The following ABCC1 variants were observed in gnomAD, a reference collection of about 807,000 sequenced individuals.
ABCC1 encodes multidrug resistance-associated protein 1.
A neutral mutation model predicts 172.9 loss-of-function variants in ABCC1; 83 were observed. The observed-to-expected ratio is 0.48, with a 90% confidence interval of 0.40 to 0.58. ABCC1 has a LOEUF of 0.58. Among genes scored for constraint, ABCC1 ranks in the 20% least tolerant of loss-of-function variants. The pLI is 0.00. For synonymous variants in ABCC1, 937 were observed against 825.2 expected (o/e 1.14, Z -2.32); for missense variants, 1,817 against 2,002.7 (o/e 0.91, Z 1.77).
chr16:16,099,001 C>CT, intron 19 of ABCC1: 1 of 1,080,684 alleles, frequency 9.3e-7, no homozygotes, highest in South Asian at 1.2e-5. Context: ...CGTCAGATGT[C>CT]TGTGTTTTCA....
At chr16:15,978,117 C>G (rs2046533325) in intron 1 of ABCC1, among the ~76,000 whole-genome samples, 1 of 152,142 alleles carries the variant, frequency 6.6e-6, no homozygotes, top group Admixed American at 6.6e-5. Context: ...TGCCTGTAAT[C>G]CCAGCACTTT....
chr16:16,131,099 C>T (rs1050097086), intron 26 of ABCC1, among the ~76,000 whole-genome samples: 15 of 151,624 alleles, frequency 9.9e-5, no homozygotes, highest in Non-Finnish European at 1.6e-4. Context: ...CCAGCCTGGG[C>T]GACAGAGTGA....
At chr16:16,131,371 T>A (rs1269148318) in intron 26 of ABCC1, among the ~76,000 whole-genome samples, 1 of 152,196 alleles carries the variant, frequency 6.6e-6, no homozygotes, top group Non-Finnish European at 1.5e-5. Context: ...TCACTCTTCT[T>A]GTTTATGTTC....
intron 1 of ABCC1, among the ~76,000 whole-genome samples, chr16:15,969,472 G>A (rs968824309): frequency 6.6e-5 from 10 of 150,940 alleles, no homozygotes; most frequent in Non-Finnish European, 1.0e-4. Flanking sequence ...GCCAGGGTTC[G>A]AGTGATTCTC....
chr16:16,115,227 T>C (rs986918933), intron 23 of ABCC1, 151 bp downstream of exon 23: 1 of 901,540 alleles, frequency 1.1e-6, no homozygotes, highest in Non-Finnish European at 1.6e-6. Flanking sequence ...ACCTAAATTG[T>C]TTTTTTGCTC....
chr16:15,992,995 T>C (rs529349004), intron 1 of ABCC1, among the ~76,000 whole-genome samples: 3 of 152,294 alleles, frequency 2.0e-5, no homozygotes, highest in Admixed American at 2.0e-4. Flanking sequence ...CCTTCCAGTC[T>C]GCTAGGATGT....
chr16:16,116,634 C>A (rs543752535), intron 23 of ABCC1, among the ~76,000 whole-genome samples: 97 of 152,048 alleles, frequency 6.4e-4, no homozygotes, highest in Non-Finnish European at 1.0e-3. Context: ...GGAATCTCGG[C>A]TCACTGCAAC....
chr16:16,031,009 A>G (rs1225670559), intron 5 of ABCC1, among the ~76,000 whole-genome samples: 2 of 151,912 alleles, frequency 1.3e-5, no homozygotes, highest in African/African-American at 4.8e-5. Context: ...CACCACATCC[A>G]GCTAATTTTT....
At chr16:16,055,051 A>C (rs1030828054) in intron 11 of ABCC1, among the ~76,000 whole-genome samples, 8 of 152,126 alleles carry the variant, frequency 5.3e-5, no homozygotes, top group Admixed American at 1.3e-4. Flanking sequence ...GCAACATAGC[A>C]AGGTGCCATC....
At chr16:16,033,608 G>A (rs45569332) in intron 6 of ABCC1, among the ~76,000 whole-genome samples, 2,283 of 152,192 alleles carry the variant, frequency 0.015, 28 homozygotes, top group Non-Finnish European at 0.022. Context: ...GACATCTAGA[G>A]GTAACCAGTG....
intron 26 of ABCC1, among the ~76,000 whole-genome samples, chr16:16,126,381 A>G (rs897513319): frequency 3.9e-5 from 6 of 152,120 alleles, no homozygotes; most frequent in Admixed American, 3.9e-4. Context: ...GTTATTTGTT[A>G]TGAATTTGGT....
chr16:15,997,154 C>T (rs572191873), intron 1 of ABCC1, among the ~76,000 whole-genome samples: 21 of 147,882 alleles, frequency 1.4e-4, no homozygotes, highest in Non-Finnish European at 8.9e-5. Context: ...TGCAGTGGTG[C>T]AATCTCGGCT....
intron 1 of ABCC1, among the ~76,000 whole-genome samples, chr16:15,950,121 G>C (rs921749888): frequency 1.3e-5 from 2 of 151,960 alleles, no homozygotes; most frequent in African/African-American, 4.8e-5. Flanking sequence ...CAACCTTCCA[G>C]GGAAGGGGAC....
chr16:16,007,731 C>A, intron 1 of ABCC1, 85 bp from the exon 2 acceptor site: 3 of 1,364,184 alleles, frequency 2.2e-6, no homozygotes, highest in Non-Finnish European at 3.0e-6. Flanking sequence ...CTTCAAACCC[C>A]GTGGCAGCTG....
chr16:16,106,643 A>G (rs1387683284), intron 20 of ABCC1, 95 bp from the exon 21 acceptor site: 5 of 1,504,320 alleles, frequency 3.3e-6, no homozygotes, highest in African/African-American at 1.4e-5. Flanking sequence ...CTCTTATGCC[A>G]TGGTTCAGAC....
intron 1 of ABCC1, among the ~76,000 whole-genome samples, chr16:16,005,085 A>C (rs1301712653): frequency 1.7e-5 from 1 of 59,564 alleles, no homozygotes; most frequent in South Asian, 4.3e-4. Context: ...TTTTTTTTTG[A>C]TATGGCTTTA....
At chr16:16,108,428 G>A (rs2052236734) in intron 21 of ABCC1, among the ~76,000 whole-genome samples, 1 of 146,104 alleles carries the variant, frequency 6.8e-6, no homozygotes. Context: ...GCGCCACCAT[G>A]CCTAGCTAAT....
intron 22 of ABCC1, among the ~76,000 whole-genome samples, chr16:16,112,311 CTA>C (rs1185307570): frequency 6.6e-6 from 1 of 151,696 alleles, no homozygotes; most frequent in Non-Finnish European, 1.5e-5. Context: ...ACAGTTAGAC[CTA>C]TGATTGCACC....
intron 1 of ABCC1, among the ~76,000 whole-genome samples, chr16:15,998,510 G>A (rs1037431924): frequency 7.9e-5 from 12 of 152,172 alleles, no homozygotes; most frequent in Non-Finnish European, 1.5e-4. Context: ...GATGGCAGGG[G>A]TGACCCGTGT....
Sources: gnomAD v4.1 joint callset for allele counts (sites outside exome capture counted in the v4.1 genomes callset) on GRCh38, gnomAD v4.1.1 for gene constraint, MANE v1.5 for transcripts, NCBI Gene and HGNC (gene_info 2026-07-23, HGNC 2026-07-21) for gene names.